Variants in MTFR2 observed in about 807,000 individuals in gnomAD.
The protein encoded by MTFR2 is DUF729 domain-containing protein 1.
MTFR2 carries 44 observed loss-of-function variants against 41.2 expected under a neutral mutation model. That is an observed-to-expected ratio of 1.07 (90% CI 0.84 to 1.37). The LOEUF is 1.37. Among genes scored for constraint, MTFR2 ranks in the 40% most tolerant of loss-of-function variants. MTFR2 has a pLI of 0.00. For synonymous variants in MTFR2, 141 were observed against 154.6 expected (o/e 0.91, Z 0.65); for missense variants, 452 against 459.5 (o/e 0.98, Z 0.15).
Position 136,242,896 on chromosome 6 carries a change from C to T in MTFR2, c.246G>A (p.Val82=), listed in dbSNP as rs146917381. The T allele has an allele frequency of 2.1e-5, 34 of 1,612,912 alleles. No individual in the cohort carries two copies. The highest frequency in any genetic ancestry group is 3.3e-4 in the Middle Eastern group (2 of 5,990). The change falls in exon 4 of 8, where the codon GTG becomes GTA. Residue 82 remains valine (V), a synonymous_variant. Transcript: ENST00000420702. ...MVPSFADILY[V]ANDEEASYLR... Reference sequence around the variant, plus strand: ...GATAACTGGCTTCTTCATCATTTGCCACATACAAAATATCAGCAAAAGATG... The same window carrying T: ...GATAACTGGCTTCTTCATCATTTGCTACATACAAAATATCAGCAAAAGATG...
chr6:136,232,927 G>A (rs1446870849), intron 7 of MTFR2, among the ~76,000 whole-genome samples: 1 of 152,120 alleles, frequency 6.6e-6, no homozygotes, highest in African/African-American at 2.4e-5. Context: ...TCCAAAGTCT[G>A]TATATTTGAC....
intron 2 of MTFR2, 188 bp downstream of exon 2, chr6:136,248,849 T>C (rs1780286822): frequency 1.8e-5 from 10 of 550,808 alleles, no homozygotes; most frequent in South Asian, 1.5e-4. Flanking sequence ...CAGGTAAATA[T>C]GTTCTCAATA....
At chr6:136,247,788 T>C (rs376251591) in intron 2 of MTFR2, among the ~76,000 whole-genome samples, 1 of 152,242 alleles carries the variant, frequency 6.6e-6, no homozygotes, top group Non-Finnish European at 1.5e-5. Context: ...CTTCAGTCTC[T>C]CGATTACTGA....
intron 2 of MTFR2, among the ~76,000 whole-genome samples, chr6:136,246,702 C>T (rs1322908112): frequency 1.3e-5 from 2 of 152,100 alleles, no homozygotes; most frequent in Non-Finnish European, 2.9e-5. Flanking sequence ...GTAATATGTT[C>T]AATGCCACTC....
rs780515849 is a variant in MTFR2 at position 136,233,549 on chromosome 6, T to C, written c.870-50A>G. On this transcript the variant is annotated intron_variant, in intron 6 of 7. Transcript: ENST00000420702. ...ATTTATTAAAACTTGGATGTAATTT[T>C]AGCTCCTTGTTGACAAACATGGCAG... is the stretch of plus-strand genomic sequence containing the variant. 2.9e-6 allele frequency: 4 copies of C among 1,370,396 alleles called. No individual in the cohort carries two copies. The Admixed American group carries it at 1.0e-4, about 34-fold the overall frequency. The allele number at this position is 1,370,396 out of a possible 1,614,324, so 84.9% of individuals were successfully genotyped here. A position where few individuals can be genotyped will look rare whatever the true frequency, so the allele number is the denominator to read the frequency against.
At chr6:136,240,868 G>A (rs1167423554) in intron 5 of MTFR2, among the ~76,000 whole-genome samples, 3 of 152,276 alleles carry the variant, frequency 2.0e-5, no homozygotes, top group Non-Finnish European at 2.9e-5. Flanking sequence ...AAGGCGGGCA[G>A]ATCACGAGGT....
At chr6:136,237,686 T>C (rs889529921) in intron 6 of MTFR2, among the ~76,000 whole-genome samples, 5 of 151,992 alleles carry the variant, frequency 3.3e-5, no homozygotes, top group Non-Finnish European at 7.4e-5. Flanking sequence ...GGCACGTGCC[T>C]GTAATCCCAG....
At chr6:136,247,141 G>C (rs778404057) in intron 2 of MTFR2, among the ~76,000 whole-genome samples, 1 of 152,176 alleles carries the variant, frequency 6.6e-6, no homozygotes, top group Non-Finnish European at 1.5e-5. Context: ...CTTGAGGTTA[G>C]GAATTCAAGA....
At chr6:136,241,845 A>G (rs1355207258) in intron 4 of MTFR2, among the ~76,000 whole-genome samples, 169 bp from the exon 5 acceptor site, 1 of 152,130 alleles carries the variant, frequency 6.6e-6, no homozygotes, top group African/African-American at 2.4e-5. Context: ...TTGGGGGCTG[A>G]GGCAGTGAAT....
chr6:136,233,644 T>C (rs1052807874), intron 6 of MTFR2, 145 bp from the exon 7 acceptor site: 4 of 666,552 alleles, frequency 6.0e-6, no homozygotes, highest in African/African-American at 5.6e-5. Context: ...TCAAGAAATT[T>C]TCGCAATGAA....
chr6:136,233,670 T>C (rs887183163), intron 6 of MTFR2, among the ~76,000 whole-genome samples, 171 bp from the exon 7 acceptor site: 1 of 152,124 alleles, frequency 6.6e-6, no homozygotes, highest in African/African-American at 2.4e-5. Context: ...GAAGGCACAA[T>C]GAATGAAGAA....
intron 6 of MTFR2, among the ~76,000 whole-genome samples, chr6:136,236,088 G>A (rs1043934480): frequency 8.5e-5 from 13 of 152,310 alleles, no homozygotes; most frequent in East Asian, 5.8e-4. Context: ...ATGGGTAGAA[G>A]GCAGCAGCGA....
intron 7 of MTFR2, among the ~76,000 whole-genome samples, chr6:136,232,219 G>A (rs1370256553): frequency 3.3e-5 from 5 of 152,016 alleles, no homozygotes; most frequent in Non-Finnish European, 5.9e-5. Context: ...GGCAATGTGT[G>A]TGTGTGACAA....
At chr6:136,249,555 A>T (rs964921632) in intron 1 of MTFR2, among the ~76,000 whole-genome samples, 3 of 152,134 alleles carry the variant, frequency 2.0e-5, no homozygotes, top group Non-Finnish European at 2.9e-5. Context: ...CTCAGTTTTT[A>T]AAAAAATAAA....
intron 6 of MTFR2, among the ~76,000 whole-genome samples, chr6:136,235,280 A>AAAAGAACAGGTTTTCAAGGTGGCGGG (rs1779875462): frequency 6.6e-6 from 1 of 152,208 alleles, no homozygotes; most frequent in African/African-American, 2.4e-5. Context: ...AAGGTGGCGG[A>AAAAGAACAGGTTTTCAAGGTGGCGGG]AAAGAACAGG....
intron 5 of MTFR2, among the ~76,000 whole-genome samples, chr6:136,240,270 C>T (rs902256022): frequency 4.6e-5 from 7 of 151,920 alleles, no homozygotes; most frequent in Admixed American, 2.6e-4. Context: ...TTAACTTTTC[C>T]ACTTTAAGAT....
Position 136,239,470 on chromosome 6 carries a change from C to A in MTFR2, c.865G>T (p.Glu289Ter). The part of the protein sequence containing the change: ...DMNKVKLRAI[E>*]RSPGGRPIHK... ...TTTCAAATTACAACAACATACCGCT[C>A]AATTGCACGAAGCTTAACCTTATTC... The change falls in exon 6 of 8, where the codon GAG (glutamate) becomes TAG (stop). Residue 289 changes from glutamate (E) to a stop codon, truncating the protein, a stop_gained. Coordinates refer to ENST00000420702, the MANE Select transcript of MTFR2 (RefSeq NM_001099286.3). LOFTEE classifies it high-confidence loss of function. The A allele has an allele frequency of 1.3e-6, 2 of 1,592,494 alleles. No homozygotes were observed. Among genetic ancestry groups the A allele is most frequent in the South Asian group, 2.3e-5 (2 of 88,754 alleles).
intron 5 of MTFR2, among the ~76,000 whole-genome samples, chr6:136,240,817 C>A (rs1037251347): frequency 5.1e-4 from 77 of 152,270 alleles, no homozygotes; most frequent in African/African-American, 1.7e-3. Flanking sequence ...GAGGGCCGGG[C>A]GCGGTGGCTC....
At chr6:136,248,895 A>G (rs1209681849) in intron 2 of MTFR2, 142 bp downstream of exon 2, 1 of 661,138 alleles carries the variant, frequency 1.5e-6, no homozygotes, top group Non-Finnish European at 2.5e-6. Flanking sequence ...CATCAAAGCT[A>G]TACTATTACA....
Sources: gnomAD v4.1 joint callset for allele counts (sites outside exome capture counted in the v4.1 genomes callset) on GRCh38, gnomAD v4.1.1 for gene constraint, MANE v1.5 for transcripts, NCBI Gene and HGNC (gene_info 2026-07-23, HGNC 2026-07-21) for gene names.